The following EFNB2 variants were observed in gnomAD, a reference collection of about 807,000 sequenced individuals.
The protein encoded by EFNB2 is ephrin B2.
In EFNB2, 5 loss-of-function variants were observed where a neutral mutation model predicts 32.1. The observed-to-expected ratio is 0.16, with a 90% confidence interval of 0.08 to 0.33. The LOEUF is 0.33. Ranked by LOEUF, EFNB2 falls within the 10% of genes least tolerant of loss-of-function variation. The pLI, the probability that EFNB2 is intolerant of heterozygous loss-of-function variation, is 1.00. For synonymous variants in EFNB2, 168 were observed against 166.5 expected, an observed-to-expected ratio of 1.01 and a Z score of -0.07; for missense variants, 263 against 422.6, an observed-to-expected ratio of 0.62 and a Z score of 3.31.
intron 1 of EFNB2, 70 bp downstream of exon 1, chr13:106,534,773 C>T (rs989004399): frequency 6.6e-7 from 1 of 1,520,934 alleles, no homozygotes; most frequent in African/African-American, 1.4e-5. Flanking sequence ...GCGGACTGAC[C>T]CCTCCTCCCG....
intron 2 of EFNB2, among the ~76,000 whole-genome samples, chr13:106,507,821 C>T (rs115936550): frequency 1.3e-5 from 2 of 152,070 alleles, no homozygotes; most frequent in Non-Finnish European, 2.9e-5. Flanking sequence ...AACAGTCCTT[C>T]GGAAAGATGA....
chr13:106,534,897 G>T lies in EFNB2; in HGVS notation c.68C>A (p.Ala23Glu), dbSNP rs200744113. 6.2e-6 allele frequency: 10 copies of T among 1,613,760 alleles called. No individual in the cohort carries two copies. The highest frequency in any genetic ancestry group is 1.7e-4 in the Middle Eastern group (1 of 6,060). The change falls in exon 1 of 5, where the codon GCG becomes GAG. Residue 23 changes from alanine to glutamate, a missense_variant. This residue lies in a region of EFNB2 where 46 missense variants were observed against 56.9 expected (regional missense o/e 0.81). Coordinates refer to ENST00000646441, the MANE Select transcript of EFNB2 (RefSeq NM_004093.4). ...CTCTAAAACTATCGATTTGGAAATC[G>T]CAGTTCTGCATAAAACCATCAAAAC... ...WGVLMVLCRTAISKSIVLEPI... is the reference protein window; with the variant it reads ...WGVLMVLCRTEISKSIVLEPI...
At chr13:106,502,592 C>G (rs1878817558) in intron 2 of EFNB2, among the ~76,000 whole-genome samples, 1 of 152,160 alleles carries the variant, frequency 6.6e-6, no homozygotes, top group South Asian at 2.1e-4. Flanking sequence ...CAGGTGCCAT[C>G]ATGCTATGCG....
chr13:106,528,049 T>C (rs1879757330), intron 1 of EFNB2, among the ~76,000 whole-genome samples: 1 of 152,212 alleles, frequency 6.6e-6, no homozygotes, highest in Non-Finnish European at 1.5e-5. Context: ...GAATGGGCCA[T>C]TAGCAATCAC....
chr13:106,523,279 C>T (rs1250639182), intron 1 of EFNB2, among the ~76,000 whole-genome samples: 2 of 152,144 alleles, frequency 1.3e-5, no homozygotes, highest in South Asian at 2.1e-4. Flanking sequence ...CCATACGGAT[C>T]GCCCCCACAA....
chr13:106,530,267 C>T (rs1879828679), intron 1 of EFNB2, among the ~76,000 whole-genome samples: 1 of 152,142 alleles, frequency 6.6e-6, no homozygotes, highest in African/African-American at 2.4e-5. Flanking sequence ...TAATTCCCCC[C>T]TTAAAAAGAA....
rs1400388983 is a variant in EFNB2, at chr13:106,495,845, T to A, written c.407-5A>T. On this transcript the variant is annotated splice_polypyrimidine_tract_variant and splice_region_variant and intron_variant, in intron 2 of 4. Transcript: ENST00000646441. Reference sequence around the variant, plus strand: ...CCAAAGACCCATTTGATGTAGCTGATTAAAAATAAAATGGACAAAACAAAA... The same window carrying A: ...CCAAAGACCCATTTGATGTAGCTGAATAAAAATAAAATGGACAAAACAAAA... The A allele has an allele frequency of 6.2e-7, 1 of 1,609,516 alleles. No individual in the cohort carries two copies. The highest frequency in any genetic ancestry group is 1.3e-5 in the African/African-American group (1 of 74,506).
At chr13:106,499,530 G>A (rs1449518263) in intron 2 of EFNB2, among the ~76,000 whole-genome samples, 1 of 152,122 alleles carries the variant, frequency 6.6e-6, no homozygotes, top group Non-Finnish European at 1.5e-5. Context: ...GAGAAAGAGT[G>A]AAAATAAATT....
chr13:106,506,699 G>A (rs1878962426), intron 2 of EFNB2: 1 of 152,170 alleles, frequency 6.6e-6, no homozygotes, highest in African/African-American at 2.4e-5. Flanking sequence ...CTCCAGCCTG[G>A]AGCCTCACAC....
At position 106,499,559 on chromosome 13, in the gene EFNB2, G is replaced by T. The variant is rs111776569; in HGVS notation, c.407-3719C>A. ...ATAAATTGTTAGTTCATTATACTTA[G>T]TTTTTCTTTGTATCTTTCTATCAGC... On this transcript the variant is annotated intron_variant, in intron 2 of 4. Coordinates refer to ENST00000646441, the MANE Select transcript of EFNB2 (RefSeq NM_004093.4). Among the ~76,000 whole-genome samples, 867 of 152,190 alleles carry T rather than the reference G, an allele frequency of 5.7e-3. 6 individuals are homozygous for T. The highest frequency in any genetic ancestry group is 0.02 in the African/African-American group (825 of 41,524).
rs185546471 is a variant in EFNB2 at position 106,509,180 on chromosome 13, C to T, written c.406+3349G>A. Among the ~76,000 whole-genome samples, 3 of 152,282 alleles carry T rather than the reference C, an allele frequency of 2.0e-5. No homozygotes were observed. In the East Asian group the frequency reaches 5.8e-4, roughly 29 times the overall value. Reference sequence around the variant, plus strand: ...TTCTCATTAAGCTTAGGAAGCAGGACTAGCAAGTAGGACTCTAGGTTCCTG... The same window carrying T: ...TTCTCATTAAGCTTAGGAAGCAGGATTAGCAAGTAGGACTCTAGGTTCCTG... On this transcript the variant is annotated intron_variant, in intron 2 of 4. Coordinates refer to ENST00000646441, the MANE Select transcript of EFNB2 (RefSeq NM_004093.4).
chr13:106,502,416 T>C (rs1312486172), intron 2 of EFNB2, among the ~76,000 whole-genome samples: 1 of 152,212 alleles, frequency 6.6e-6, no homozygotes, highest in African/African-American at 2.4e-5. Flanking sequence ...TAATAGGACA[T>C]TCTACCCAGA....
intron 1 of EFNB2, among the ~76,000 whole-genome samples, chr13:106,515,400 T>C (rs1879280030): frequency 1.3e-5 from 2 of 152,066 alleles, no homozygotes; most frequent in Non-Finnish European, 2.9e-5. Flanking sequence ...AAAGCGGAAG[T>C]GTGGTGGGGA....
At chr13:106,525,897 C>G (rs1375901613) in intron 1 of EFNB2, among the ~76,000 whole-genome samples, 1 of 152,202 alleles carries the variant, frequency 6.6e-6, no homozygotes, top group Admixed American at 6.5e-5. Flanking sequence ...GGTTAGATCC[C>G]TGATGCTCCC....
At chr13:106,502,869 A>G (rs1009318372) in intron 2 of EFNB2, among the ~76,000 whole-genome samples, 1 of 152,078 alleles carries the variant, frequency 6.6e-6, no homozygotes, top group Non-Finnish European at 1.5e-5. Context: ...GCAGGTGCAC[A>G]TGTGTGCGTG....
Position 106,493,190 on chromosome 13 carries a change from T to A in EFNB2, c.852A>T (p.Ser284=), listed in dbSNP as rs750852379. The part of the protein sequence containing the change: ...TPKRSGNNNG[S]EPSDIIIPLR... ...GCGGGATGATAATGTCACTGGGCTC[T>A]GAGCCGTTGTTGTTGCCGCTGCGCT... The change falls in exon 5 of 5, where the codon TCA becomes TCT. Residue 284 remains serine, a synonymous_variant. Coordinates refer to ENST00000646441, the MANE Select transcript of EFNB2 (RefSeq NM_004093.4). The surrounding 1 kb of genome is among the most constrained non-coding windows in gnomAD (Gnocchi z 6.1). 1 of 1,614,212 alleles carries A rather than the reference T, an allele frequency of 6.2e-7. No individual in the cohort carries two copies. Among genetic ancestry groups the A allele is most frequent in the East Asian group, 2.2e-5 (1 of 44,872 alleles).
chr13:106,511,216 T>A (rs369895742), intron 2 of EFNB2, among the ~76,000 whole-genome samples: 75 of 152,330 alleles, frequency 4.9e-4, no homozygotes, highest in African/African-American at 1.7e-3. Flanking sequence ...GTATATACTC[T>A]ACCACATTCT....
At chr13:106,520,995 G>T (rs1401138373) in intron 1 of EFNB2, 1 of 152,138 alleles carries the variant, frequency 6.6e-6, no homozygotes, top group African/African-American at 2.4e-5. Flanking sequence ...AAACCTCCAA[G>T]AAATAAGGTA....
At chr13:106,525,866 A>G (rs910545007) in intron 1 of EFNB2, among the ~76,000 whole-genome samples, 1 of 152,218 alleles carries the variant, frequency 6.6e-6, no homozygotes, top group Non-Finnish European at 1.5e-5. Flanking sequence ...CTGAATTAAC[A>G]ACAAATACTC....
Sources: allele counts gnomAD v4.1 joint callset (sites outside exome capture counted in the v4.1 genomes callset), GRCh38; gene constraint gnomAD v4.1.1; regional missense constraint gnomAD v4.1.1; non-coding constraint Gnocchi (gnomAD v3.1); transcripts MANE v1.5; gene names NCBI Gene and HGNC (gene_info 2026-07-23, HGNC 2026-07-21).